MGAT4C: variants seen among roughly 807,000 people sequenced by gnomAD.
The protein encoded by MGAT4C is MGAT4 family member C.
MGAT4C carries 19 observed loss-of-function variants against 40.1 expected under a neutral mutation model. That is an observed-to-expected ratio of 0.47 (90% CI 0.33 to 0.70). The LOEUF is 0.70. Among genes scored for constraint, MGAT4C ranks in the 30% least tolerant of loss-of-function variants. The probability of loss-of-function intolerance (pLI) is 0.02; values close to 1 mark genes in which losing one functional copy is unlikely to be tolerated. For synonymous variants in MGAT4C, 181 were observed against 187.1 expected, an observed-to-expected ratio of 0.97 and a Z score of 0.27; for missense variants, 491 against 563.2, an observed-to-expected ratio of 0.87 and a Z score of 1.30.
intron 2 of MGAT4C, among the ~76,000 whole-genome samples, chr12:86,704,037 A>G (rs1161967689): frequency 1.3e-5 from 2 of 152,160 alleles, no homozygotes; most frequent in African/African-American, 4.8e-5. Context: ...TATGACTTTT[A>G]TAGCAAATAT....
chr12:86,554,149 C>A (rs1959499517), intron 2 of MGAT4C, among the ~76,000 whole-genome samples: 1 of 151,752 alleles, frequency 6.6e-6, no homozygotes, highest in Admixed American at 6.6e-5. Flanking sequence ...CACACACACA[C>A]ACACACACAC....
chr12:86,625,474 A>G (rs1962775383), intron 2 of MGAT4C, among the ~76,000 whole-genome samples: 1 of 152,184 alleles, frequency 6.6e-6, no homozygotes, highest in Admixed American at 6.5e-5. Context: ...CATAACAGAA[A>G]CTAAAAATTC....
chr12:86,771,014 G>A (rs1487639187), intron 1 of MGAT4C, among the ~76,000 whole-genome samples: 1 of 151,988 alleles, frequency 6.6e-6, no homozygotes, highest in Non-Finnish European at 1.5e-5. Context: ...GTTAAAATGA[G>A]GTCATTAGGG....
chr12:86,571,681 T>G (rs1381019024), intron 2 of MGAT4C, among the ~76,000 whole-genome samples: 1 of 152,112 alleles, frequency 6.6e-6, no homozygotes, highest in Admixed American at 6.6e-5. Flanking sequence ...ATTGTATAGA[T>G]TATAAGCTTT....
chr12:85,970,108 A>G lies in MGAT4C; in HGVS notation c.*9181T>C, dbSNP rs1181108626. The G allele has an allele frequency of 2.0e-5, 3 of 151,376 alleles. No individual in the cohort carries two copies. Among genetic ancestry groups the G allele is most frequent in the Non-Finnish European group, 4.4e-5 (3 of 67,444 alleles). The allele number at this position is 151,376 out of a possible 1,614,324, so 9.4% of individuals were successfully genotyped here. ...CTCTGTGGCCTTTACCCTTCAATAA[A>G]TATGGATTATTAATATAATTTAGCT... On this transcript the variant is annotated 3_prime_UTR_variant, in exon 5 of 5. Coordinates refer to ENST00000611864, the MANE Select transcript of MGAT4C (RefSeq NM_001351288.2).
chr12:86,186,616 A>C (rs2135886112), intron 1 of MGAT4C, among the ~76,000 whole-genome samples: 1 of 152,250 alleles, frequency 6.6e-6, no homozygotes, highest in African/African-American at 2.4e-5. Flanking sequence ...ACTCATCTTT[A>C]ATCATGGGAG....
At chr12:86,507,649 A>G (rs1376908042) in intron 2 of MGAT4C, among the ~76,000 whole-genome samples, 1 of 152,214 alleles carries the variant, frequency 6.6e-6, no homozygotes, top group Admixed American at 6.6e-5. Context: ...GCAAGAAATC[A>G]GCTCACTTTC....
At chr12:86,720,286 C>T (rs1468833260) in intron 2 of MGAT4C, among the ~76,000 whole-genome samples, 1 of 98,060 alleles carries the variant, frequency 1.0e-5, no homozygotes, top group Non-Finnish European at 2.4e-5. Context: ...GAGAGACCTA[C>T]AGAAGCTGCA....
At chr12:86,278,203 G>A (rs1177324250) in intron 4 of MGAT4C, among the ~76,000 whole-genome samples, 1 of 65,914 alleles carries the variant, frequency 1.5e-5, no homozygotes, top group Non-Finnish European at 3.2e-5. Context: ...TTTTAAGATG[G>A]AGTTTTGATC....
chr12:86,178,319 C>A (rs868514083), intron 1 of MGAT4C, among the ~76,000 whole-genome samples: 45 of 152,240 alleles, frequency 3.0e-4, no homozygotes, highest in African/African-American at 1.1e-3. Flanking sequence ...ATAGTAAATA[C>A]ATTGATAGAA....
chr12:86,003,459 T>C (rs552078017), intron 2 of MGAT4C, among the ~76,000 whole-genome samples: 4 of 152,138 alleles, frequency 2.6e-5, no homozygotes, highest in Non-Finnish European at 4.4e-5. Context: ...CATTACTTCA[T>C]ATTTCTCAAG....
chr12:86,483,103 G>C lies in MGAT4C; in HGVS notation c.-228-47838C>G, dbSNP rs543437625. On this transcript the variant is annotated intron_variant, in intron 2 of 7. Transcript: ENST00000548651. ...GTCTGAGAAGTTCAATATCGAGGATGGTTAGATCCTTCTTCTTGTTGTGTC... is the reference window on the plus strand; with the variant it reads ...GTCTGAGAAGTTCAATATCGAGGATCGTTAGATCCTTCTTCTTGTTGTGTC... 3.4e-4 allele frequency among the ~76,000 whole-genome samples: 52 copies of C among 152,240 alleles called. No individual in the cohort carries two copies. The Middle Eastern group carries it at 0.01, about 30-fold the overall frequency.
chr12:86,296,738 G>T (rs1446074479), intron 4 of MGAT4C, among the ~76,000 whole-genome samples: 2 of 152,220 alleles, frequency 1.3e-5, no homozygotes, highest in African/African-American at 4.8e-5. Context: ...TGGCCCGCAA[G>T]CGCTGCGCGC....
chr12:86,698,685 G>T (rs966450032), intron 2 of MGAT4C, among the ~76,000 whole-genome samples: 2 of 151,936 alleles, frequency 1.3e-5, no homozygotes, highest in Admixed American at 6.6e-5. Flanking sequence ...CTGTGGGGGG[G>T]GTGGGTATTC....
At chr12:86,683,165 C>A (rs966490820) in intron 2 of MGAT4C, among the ~76,000 whole-genome samples, 1 of 151,882 alleles carries the variant, frequency 6.6e-6, no homozygotes, top group East Asian at 1.9e-4. Context: ...CATAAAATAC[C>A]TCATAGGGTG....
At chr12:86,177,517 T>C (rs1256279330) in intron 1 of MGAT4C, among the ~76,000 whole-genome samples, 1 of 152,154 alleles carries the variant, frequency 6.6e-6, no homozygotes, top group Non-Finnish European at 1.5e-5. Context: ...ATTATTAGAT[T>C]TCACCCAATA....
rs1335366432 is a variant in MGAT4C at position 85,973,836 on chromosome 12, G to A, written c.*5453C>T. The A allele has an allele frequency of 6.6e-6, 1 of 150,836 alleles. No individual in the cohort carries two copies. Among genetic ancestry groups the A allele is most frequent in the Non-Finnish European group, 1.5e-5 (1 of 67,094 alleles). 9.3% of individuals were successfully genotyped at this position (150,836 alleles called of 1,614,324 possible). On this transcript the variant is annotated 3_prime_UTR_variant, in exon 5 of 5. Coordinates refer to ENST00000611864, the MANE Select transcript of MGAT4C (RefSeq NM_001351288.2). ...TTTGGTCTCAAATCCATGTTTTTCA[G>A]AAAAGATATTCAGATCCAGTTATCT... is the stretch of plus-strand genomic sequence containing the variant.
intron 2 of MGAT4C, among the ~76,000 whole-genome samples, chr12:86,560,884 A>T (rs2136408343): frequency 6.6e-6 from 1 of 152,300 alleles, no homozygotes; most frequent in African/African-American, 2.4e-5. Context: ...AATCTTATAT[A>T]AAGATAAACC....
At chr12:86,132,906 C>T (rs558399332) in intron 1 of MGAT4C, among the ~76,000 whole-genome samples, 1 of 151,128 alleles carries the variant, frequency 6.6e-6, no homozygotes, top group African/African-American at 2.4e-5. Flanking sequence ...TACAAATTTA[C>T]TTCTAAACAT....
Sources: allele counts gnomAD v4.1 joint callset (sites outside exome capture counted in the v4.1 genomes callset), GRCh38; gene constraint gnomAD v4.1.1; transcripts MANE v1.5; gene names NCBI Gene and HGNC (gene_info 2026-07-23, HGNC 2026-07-21).